Variants in INSL6 observed in about 807,000 individuals in gnomAD.
INSL6 encodes insulin-like peptide INSL6.
In INSL6, 16 loss-of-function variants were observed where a neutral mutation model predicts 9.4. The ratio of observed to expected loss-of-function variants is 1.70; its 90% CI spans 1.15 to 2.59. The LOEUF (loss-of-function observed/expected upper bound fraction) is 2.59. INSL6 is among the 30% of genes most tolerant of loss of function. INSL6 has a pLI of 0.00. For synonymous variants in INSL6, 154 were observed against 96.9 expected (o/e 1.59, Z -3.46); for missense variants, 391 against 257.3 (o/e 1.52, Z -3.56).
chr9:4,998,433 T>G, the INSL6 span, among the ~76,000 whole-genome samples: 1 of 152,100 alleles, frequency 6.6e-6, no homozygotes, highest in Non-Finnish European at 1.5e-5. Context: ...ATTTTTGTAT[T>G]TTTAGTAGAG....
chr9:5,067,262 A>C, the INSL6 span, among the ~76,000 whole-genome samples: 1 of 152,252 alleles, frequency 6.6e-6, no homozygotes, highest in East Asian at 1.9e-4. Context: ...ATGATTTTCT[A>C]ATATTTTTAA....
intron 2 of INSL6, among the ~76,000 whole-genome samples, chr9:5,143,022 C>T (rs144424925): frequency 1.2e-4 from 18 of 152,212 alleles, no homozygotes; most frequent in Non-Finnish European, 2.5e-4. Context: ...TTGAACCAAC[C>T]TTTCATCCCA....
At chr9:4,992,291 T>C in the INSL6 span, among the ~76,000 whole-genome samples, 1 of 151,960 alleles carries the variant, frequency 6.6e-6, no homozygotes, top group African/African-American at 2.4e-5. Flanking sequence ...TAGTGGTGAG[T>C]AGAGAATTAA....
chr9:5,003,580 T>G, the INSL6 span, among the ~76,000 whole-genome samples: 2 of 152,090 alleles, frequency 1.3e-5, no homozygotes, highest in Non-Finnish European at 1.5e-5. Context: ...ATCTTGTGAC[T>G]TTGCTAAATT....
exon 4 of INSL6, among the ~76,000 whole-genome samples, chr9:5,123,888 C>CTTT (rs543606211): frequency 7.0e-6 from 1 of 142,154 alleles, no homozygotes; most frequent in African/African-American, 2.6e-5. Flanking sequence ...AATTTTTTCT[C>CTTT]TTTTTTTTTT....
the INSL6 span, among the ~76,000 whole-genome samples, chr9:5,052,406 A>ATT: frequency 4.0e-5 from 6 of 151,204 alleles, no homozygotes; most frequent in South Asian, 2.1e-4. Context: ...ATGCTGCATC[A>ATT]TTTTTTTTTA....
chr9:5,088,406 A>C, the INSL6 span, among the ~76,000 whole-genome samples: 1 of 152,234 alleles, frequency 6.6e-6, no homozygotes, highest in African/African-American at 2.4e-5. Flanking sequence ...TCCTGTAAGA[A>C]TGCAATAATA....
chr9:5,085,937 G>C, the INSL6 span: 57 of 1,110,570 alleles, frequency 5.1e-5, no homozygotes, highest in East Asian at 1.3e-3. Flanking sequence ...CTCTCCAACC[G>C]AGTTTGAAAG....
the INSL6 span, among the ~76,000 whole-genome samples, chr9:5,034,601 A>G: frequency 1.6e-3 from 237 of 152,160 alleles, 3 homozygotes; most frequent in Non-Finnish European, 2.0e-3. Flanking sequence ...AAACCACTCA[A>G]CTACATGGAA....
the INSL6 span, among the ~76,000 whole-genome samples, chr9:5,034,615 G>A: frequency 6.6e-6 from 1 of 151,960 alleles, no homozygotes; most frequent in Non-Finnish European, 1.5e-5. Context: ...CATGGAAACT[G>A]AACAACCTGC....
chr9:5,183,917 A>C (rs1825511588), intron 1 of INSL6, among the ~76,000 whole-genome samples: 1 of 152,204 alleles, frequency 6.6e-6, no homozygotes, highest in African/African-American at 2.4e-5. Context: ...TCGGTAAATT[A>C]ACAGGATTCC....
the INSL6 span, chr9:5,110,924 C>T: frequency 1.7e-6 from 1 of 572,946 alleles, no homozygotes; most frequent in Non-Finnish European, 3.3e-6. Context: ...ATGAACCAGC[C>T]GCAGAGGATG....
At chr9:5,111,202 C>A in the INSL6 span, 1 of 638,972 alleles carries the variant, frequency 1.6e-6, no homozygotes, top group Non-Finnish European at 2.8e-6. Flanking sequence ...GGGACCGGGA[C>A]TCGGAGGCAA....
At chr9:5,031,556 G>C in the INSL6 span, among the ~76,000 whole-genome samples, 1 of 152,202 alleles carries the variant, frequency 6.6e-6, no homozygotes, top group East Asian at 1.9e-4. Context: ...ATGTATATCA[G>C]ATAAATTATA....
the INSL6 span, chr9:5,078,507 C>T: frequency 6.3e-6 from 8 of 1,268,926 alleles, no homozygotes; most frequent in Admixed American, 2.3e-5. Context: ...GTGTAAAGGG[C>T]ATGTTGTTAA....
chr9:5,095,939 G>A, the INSL6 span, among the ~76,000 whole-genome samples: 1 of 152,078 alleles, frequency 6.6e-6, no homozygotes, highest in African/African-American at 2.4e-5. Context: ...AAATTAACAT[G>A]ATTAACACCT....
the INSL6 span, among the ~76,000 whole-genome samples, chr9:5,009,327 T>A: frequency 6.6e-6 from 1 of 152,116 alleles, no homozygotes; most frequent in South Asian, 2.1e-4. Flanking sequence ...GTGAAGAATA[T>A]CCACAAAATT....
chr9:5,107,197 A>G, the INSL6 span, among the ~76,000 whole-genome samples: 1 of 152,122 alleles, frequency 6.6e-6, no homozygotes, highest in African/African-American at 2.4e-5. Context: ...CCAATCAACT[A>G]GTTTCGATAA....
the INSL6 span, among the ~76,000 whole-genome samples, chr9:5,026,406 C>A: frequency 6.6e-6 from 1 of 152,030 alleles, no homozygotes; most frequent in Non-Finnish European, 1.5e-5. Context: ...AAATAACTTA[C>A]CGAAATTATT....
Sources: allele counts gnomAD v4.1 joint callset (sites outside exome capture counted in the v4.1 genomes callset), GRCh38; gene constraint gnomAD v4.1.1; transcripts MANE v1.5; gene names NCBI Gene and HGNC (gene_info 2026-07-23, HGNC 2026-07-21).